Variants in PRKCH observed in about 807,000 individuals in gnomAD.
PRKCH encodes the protein protein kinase C eta type.
PRKCH carries 28 observed loss-of-function variants against 82.5 expected under a neutral mutation model. That is an observed-to-expected ratio of 0.34 (90% CI 0.25 to 0.47). The LOEUF (loss-of-function observed/expected upper bound fraction) is 0.47. Among genes scored for constraint, PRKCH ranks in the 20% least tolerant of loss-of-function variants. The pLI is 1.00. For missense variants in PRKCH, 705 were observed against 881.8 expected (o/e 0.80, Z 2.54); for synonymous variants, 322 against 327.4 (o/e 0.98, Z 0.18).
chr14:61,418,967 ACT>A (rs1161049418), intron 2 of PRKCH, among the ~76,000 whole-genome samples: 1 of 152,098 alleles, frequency 6.6e-6, no homozygotes, highest in East Asian at 1.9e-4. Context: ...CAAGAGAAAC[ACT>A]CTGCCTCCAT....
At chr14:61,450,054 T>C (rs1884429164) in intron 5 of PRKCH, among the ~76,000 whole-genome samples, 1 of 152,178 alleles carries the variant, frequency 6.6e-6, no homozygotes, top group Non-Finnish European at 1.5e-5. Flanking sequence ...GCAGAGGCAT[T>C]GGAAGAATGA....
intron 12 of PRKCH, among the ~76,000 whole-genome samples, chr14:61,544,874 TG>T (rs1318349093): frequency 1.3e-5 from 2 of 152,164 alleles, no homozygotes; most frequent in Non-Finnish European, 2.9e-5. Context: ...CGGCAGTTAG[TG>T]GATTGTGTTT....
chr14:61,220,339 G>A (rs536141141), intron 1 of PRKCH, among the ~76,000 whole-genome samples: 1 of 152,284 alleles, frequency 6.6e-6, no homozygotes, highest in African/African-American at 2.4e-5. Flanking sequence ...TGGACAAAAT[G>A]GGAGGAAAAA....
At chr14:61,535,034 A>G (rs926783189) in intron 12 of PRKCH, among the ~76,000 whole-genome samples, 1 of 152,236 alleles carries the variant, frequency 6.6e-6, no homozygotes, top group Non-Finnish European at 1.5e-5. Context: ...AGGCTGTGGT[A>G]GGCTTTTATT....
chr14:61,202,296 T>C (rs933249320), intron 1 of PRKCH, among the ~76,000 whole-genome samples: 1 of 152,242 alleles, frequency 6.6e-6, no homozygotes, highest in Non-Finnish European at 1.5e-5. Context: ...TCTTCTCTTT[T>C]ACATAGTCCC....
Position 61,487,924 on chromosome 14 carries a change from C to T in PRKCH, c.1433+2268C>T, listed in dbSNP as rs563962242. 4.6e-5 allele frequency among the ~76,000 whole-genome samples: 7 copies of T among 151,936 alleles called. No individual in the cohort carries two copies. The East Asian group carries it at 5.8e-4, about 13-fold the overall frequency. On this transcript the variant is annotated intron_variant, in intron 10 of 13. Transcript: ENST00000332981. Reference sequence around the variant, plus strand: ...ATCCCAGCACTCTGGGAGGCCGAGGCGGGCGGATCACGAGGTCAGGAGATC... The same window carrying T: ...ATCCCAGCACTCTGGGAGGCCGAGGTGGGCGGATCACGAGGTCAGGAGATC...
At chr14:61,473,376 T>G (rs1009990688) in intron 9 of PRKCH, among the ~76,000 whole-genome samples, 1 of 152,166 alleles carries the variant, frequency 6.6e-6, no homozygotes, top group African/African-American at 2.4e-5. Flanking sequence ...GTTAGAAGGC[T>G]CTCTCTGGCT....
Position 61,230,121 on chromosome 14 carries a change from A to G in PRKCH, c.-19+42453A>G, listed in dbSNP as rs181348099. Among the ~76,000 whole-genome samples the G allele has an allele frequency of 7.2e-4, 110 of 152,178 alleles. 1 individual carries two copies. The East Asian group carries it at 0.021, about 29-fold the overall frequency. ...AAAGGTACAGGATCTTCCTCTCTCC[A>G]AAGCAAGCCTAGAGTGCATTTTCCA... On this transcript the variant is annotated intron_variant, in intron 1 of 3. Transcript: ENST00000555185.
At chr14:61,248,979 T>C (rs1461970393) in intron 1 of PRKCH, among the ~76,000 whole-genome samples, 1 of 152,112 alleles carries the variant, frequency 6.6e-6, no homozygotes, top group Non-Finnish European at 1.5e-5. Context: ...TTTTTGTATA[T>C]TCGGTAGCGA....
At chr14:61,247,488 C>A (rs2044895764) in intron 1 of PRKCH, among the ~76,000 whole-genome samples, 1 of 152,166 alleles carries the variant, frequency 6.6e-6, no homozygotes, top group Non-Finnish European at 1.5e-5. Flanking sequence ...GTAATCCCAG[C>A]ACCTTGGGAG....
At chr14:61,306,383 C>G (rs1181324011) in intron 1 of PRKCH, 1 of 152,242 alleles carries the variant, frequency 6.6e-6, no homozygotes, top group Non-Finnish European at 1.5e-5. Context: ...TTCTGTCTTA[C>G]AAATTTCAGG....
At position 61,322,329 on chromosome 14, in the gene PRKCH, C is replaced by A. The variant is rs1367166272; in HGVS notation, c.228C>A (p.Val76=). ...ACAACGAGGAGTTTTGCGCTAACGT[C>A]ACCGACGGCGGCCACCTCGAGTTGG... ...PTYNEEFCAN[V]TDGGHLELAV... Residue 76 remains valine, a synonymous_variant, in exon 1 of 14, where the codon GTC becomes GTA. Transcript: ENST00000332981. The A allele has an allele frequency of 6.8e-6, 11 of 1,613,456 alleles. No homozygotes were observed. The highest frequency in any genetic ancestry group is 1.3e-5 in the African/African-American group (1 of 74,888).
chr14:61,322,046 C>G lies in PRKCH; in HGVS notation c.-56C>G. 1 of 1,475,308 alleles carries G rather than the reference C, an allele frequency of 6.8e-7. No homozygotes were observed. The highest frequency in any genetic ancestry group is 1.4e-5 in the South Asian group (1 of 73,766). The allele number at this position is 1,475,308 out of a possible 1,614,324, so 91.4% of individuals were successfully genotyped here. On this transcript the variant is annotated 5_prime_UTR_variant, in exon 1 of 14. Coordinates refer to ENST00000332981, the MANE Select transcript of PRKCH (RefSeq NM_006255.5). The stretch of plus-strand genomic sequence containing the variant: ...GAGGGCTGGCCTGAGACGGGACTCC[C>G]GGTTCTCCCGCTGCGAAGCAGCGCG...
chr14:61,307,592 T>G (rs537980257), intron 1 of PRKCH, among the ~76,000 whole-genome samples: 34 of 152,362 alleles, frequency 2.2e-4, no homozygotes, highest in African/African-American at 7.9e-4. Flanking sequence ...TGGCTCCTCA[T>G]CTGTAAAATA....
chr14:61,228,074 T>G (rs1243361307), intron 1 of PRKCH, among the ~76,000 whole-genome samples: 1 of 152,130 alleles, frequency 6.6e-6, no homozygotes, highest in African/African-American at 2.4e-5. Flanking sequence ...GAAGGAGGAC[T>G]CTTGCATTTT....
chr14:61,359,230 TG>T (rs1290946922), intron 1 of PRKCH, among the ~76,000 whole-genome samples: 2 of 152,192 alleles, frequency 1.3e-5, no homozygotes, highest in Non-Finnish European at 2.9e-5. Flanking sequence ...CACAATGCTC[TG>T]GGGCAGTGCT....
intron 7 of PRKCH, among the ~76,000 whole-genome samples, chr14:61,453,833 T>A (rs560834098): frequency 8.1e-4 from 123 of 151,610 alleles, no homozygotes; most frequent in East Asian, 2.7e-3. Context: ...TTTTATTTTT[T>A]TTTTTGTAGA....
At chr14:61,329,305 C>T (rs971949555) in intron 1 of PRKCH, among the ~76,000 whole-genome samples, 2 of 134,226 alleles carry the variant, frequency 1.5e-5, no homozygotes, top group South Asian at 2.5e-4. Context: ...GGCACGATCT[C>T]GGCTCACTTC....
intron 2 of PRKCH, among the ~76,000 whole-genome samples, chr14:61,438,896 G>A (rs1883808593): frequency 6.6e-6 from 1 of 152,222 alleles, no homozygotes; most frequent in African/African-American, 2.4e-5. Flanking sequence ...TAATTACTCT[G>A]CACCCTGTGG....
Sources: gnomAD v4.1 joint callset for allele counts (sites outside exome capture counted in the v4.1 genomes callset) on GRCh38, gnomAD v4.1.1 for gene constraint, MANE v1.5 for transcripts, NCBI Gene and HGNC (gene_info 2026-07-23, HGNC 2026-07-21) for gene names.